USP24: variants seen among roughly 807,000 people sequenced by gnomAD.
The protein encoded by USP24 is ubiquitin carboxyl-terminal hydrolase 24.
In USP24, 97 loss-of-function variants were observed where a neutral mutation model predicts 361.6. That is an observed-to-expected ratio of 0.27 (90% CI 0.23 to 0.32). The LOEUF (loss-of-function observed/expected upper bound fraction) is 0.32, where lower values mean the gene tolerates loss of function less well. Ranked by LOEUF, USP24 falls within the 10% of genes least tolerant of loss-of-function variation. USP24 has a pLI of 1.00. For missense variants in USP24, 2,353 were observed against 3,165.6 expected (o/e 0.74, Z 6.16); for synonymous variants, 1,098 against 1,124.6 (o/e 0.98, Z 0.47).
chr1:55,096,828 T>C (rs1374975774), intron 49 of USP24, 124 bp downstream of exon 49: 1 of 1,384,798 alleles, frequency 7.2e-7, no homozygotes, highest in Non-Finnish European at 9.7e-7. Flanking sequence ...GCTTTAAAAC[T>C]TCAAAATGAA....
chr1:55,140,147 T>C (rs995282589), intron 24 of USP24, among the ~76,000 whole-genome samples: 139 of 152,222 alleles, frequency 9.1e-4, no homozygotes, highest in African/African-American at 3.3e-3. Flanking sequence ...TATAATATTT[T>C]AAAATTATTA....
At position 55,215,133 on chromosome 1, in the gene USP24, C is replaced by T; in HGVS notation, c.-20G>A. On this transcript the variant is annotated 5_prime_UTR_variant, in exon 1 of 68. Coordinates refer to ENST00000294383, the MANE Select transcript of USP24 (RefSeq NM_015306.3). ...TTCCATGGCTTGGGCCTCCTGGCCG[C>T]CCCGGCCAGCGCACGGCGAAGCTAC... is the stretch of plus-strand genomic sequence containing the variant. 2 of 1,238,176 alleles carry T rather than the reference C, an allele frequency of 1.6e-6. No homozygotes were observed. The highest frequency in any genetic ancestry group is 3.4e-5 in the South Asian group (1 of 29,816). The allele number at this position is 1,238,176 out of a possible 1,614,324, so 76.7% of individuals were successfully genotyped here.
chr1:55,095,318 G>C lies in USP24; in HGVS notation c.6140C>G (p.Ser2047Cys). 6.2e-7 allele frequency: 1 copy of C among 1,613,662 alleles called. No homozygotes were observed. Among genetic ancestry groups the C allele is most frequent in the Non-Finnish European group, 8.5e-7 (1 of 1,179,802 alleles). The stretch of plus-strand genomic sequence containing the variant: ...TCGACTTTTCTTTGGTAATACTGGG[G>C]AGTTCTGATCAGACACCCTTTGGTA... Reference protein sequence around the residue: ...LFYQRVSDQNSPVLPKKSRVS... With the variant: ...LFYQRVSDQNCPVLPKKSRVS... The change falls in exon 51 of 68, where the codon TCC becomes TGC. Residue 2047 changes from serine to cysteine, a missense_variant. Physicochemically the swap from Ser to Cys is moderately radical, Grantham distance 112. Coordinates refer to ENST00000294383, the MANE Select transcript of USP24 (RefSeq NM_015306.3).
rs114472343 is a variant in USP24 at position 55,142,102 on chromosome 1, A to T, written c.2635-371T>A. Among the ~76,000 whole-genome samples the T allele has an allele frequency of 1.4e-3, 212 of 152,290 alleles. 1 individual carries two copies. The highest frequency in any genetic ancestry group is 4.5e-3 in the African/African-American group (189 of 41,558). On this transcript the variant is annotated intron_variant, in intron 23 of 67. Coordinates refer to ENST00000294383, the MANE Select transcript of USP24 (RefSeq NM_015306.3). ...AAATACCGTACATATTCTAGCACAT[A>T]TTTATCACCAGAAAGCTTAACTTAT...
intron 32 of USP24, among the ~76,000 whole-genome samples, chr1:55,126,388 C>A (rs1646430218): frequency 6.6e-6 from 1 of 152,032 alleles, no homozygotes; most frequent in African/African-American, 2.4e-5. Context: ...AAAATCATAG[C>A]CCCCGAATCC....
intron 56 of USP24, among the ~76,000 whole-genome samples, chr1:55,084,940 A>C (rs1233141442): frequency 6.6e-6 from 1 of 152,208 alleles, no homozygotes; most frequent in Non-Finnish European, 1.5e-5. Flanking sequence ...GGGTTGGTAC[A>C]TGGGAGGAAG....
rs776860424 is a variant in USP24, at chr1:55,093,908, C to T, written c.6354+29G>A. 5 of 1,610,786 alleles carry T rather than the reference C, an allele frequency of 3.1e-6. No homozygotes were observed. The South Asian group carries it at 4.4e-5, about 14-fold the overall frequency. On this transcript the variant is annotated intron_variant, in intron 52 of 67. Transcript: ENST00000294383. ...CATTTTGATGTCCACGTGGATATTC[C>T]CCCTTAGAATTTTTTATATGGTTCT...
intron 20 of USP24, among the ~76,000 whole-genome samples, chr1:55,145,676 C>T (rs1170511255): frequency 6.6e-6 from 1 of 151,976 alleles, no homozygotes; most frequent in African/African-American, 2.4e-5. Flanking sequence ...TTTAAAAATT[C>T]AATGAAAAGA....
intron 42 of USP24, among the ~76,000 whole-genome samples, chr1:55,102,074 TAC>T (rs1645649512): frequency 6.6e-6 from 1 of 152,122 alleles, no homozygotes; most frequent in Non-Finnish European, 1.5e-5. Flanking sequence ...TCAAGGCACT[TAC>T]AGTCTATTAG....
chr1:55,103,965 C>G lies in USP24; in HGVS notation c.4936G>C (p.Asp1646His). ...AAYEVLVMLA[D>H]SSPSNLQIII... ...ATTTGAAGATTTGAAGGTGAACTAT[C>G]AGCCAACATCACAAGGACTTCATAG... The change falls in exon 42 of 68, where the codon GAT (aspartate) becomes CAT (histidine). Residue 1646 changes from aspartate (D) to histidine (H), a missense_variant. Asp to His is a moderately conservative substitution (Grantham distance 81, BLOSUM62 -1). This residue lies in a region of USP24 where 949 missense variants were observed against 1,280.5 expected (regional missense o/e 0.74). Transcript: ENST00000294383. The G allele has an allele frequency of 6.2e-7, 1 of 1,611,288 alleles. No individual in the cohort carries two copies. Among genetic ancestry groups the G allele is most frequent in the African/African-American group, 1.3e-5 (1 of 74,998 alleles).
chr1:55,203,074 A>C (rs1316791411), intron 1 of USP24, among the ~76,000 whole-genome samples: 4 of 152,174 alleles, frequency 2.6e-5, no homozygotes, highest in Admixed American at 6.5e-5. Context: ...TATACATTAA[A>C]CTTTATCACA....
intron 1 of USP24, among the ~76,000 whole-genome samples, chr1:55,196,733 T>C (rs1029184946): frequency 6.6e-6 from 1 of 152,226 alleles, no homozygotes; most frequent in Admixed American, 6.5e-5. Flanking sequence ...CACCAGATCA[T>C]GGTATCTCCC....
chr1:55,085,903 A>T (rs1645239966), intron 56 of USP24, 39 bp downstream of exon 56: 1 of 1,581,386 alleles, frequency 6.3e-7, no homozygotes, highest in Non-Finnish European at 8.7e-7. Context: ...ATTTGGTAAA[A>T]ACACAGTGTA....
In USP24 at chr1:55,143,138, A is replaced by G; in HGVS notation, c.2440-19T>C. The G allele has an allele frequency of 6.8e-7, 1 of 1,466,344 alleles. No individual in the cohort carries two copies. Among genetic ancestry groups the G allele is most frequent in the Non-Finnish European group, 9.0e-7 (1 of 1,111,462 alleles). The allele number at this position is 1,466,344 out of a possible 1,614,324, so 90.8% of individuals were successfully genotyped here. ...CTACATACTGTTCAAAAGAAAAAAA[A>G]TTAAATTATAAAGCATATCAAGATC... On this transcript the variant is annotated intron_variant, in intron 21 of 67. Coordinates refer to ENST00000294383, the MANE Select transcript of USP24 (RefSeq NM_015306.3).
intron 1 of USP24, among the ~76,000 whole-genome samples, chr1:55,181,715 A>C (rs1160211667): frequency 6.6e-6 from 1 of 152,196 alleles, no homozygotes; most frequent in Admixed American, 6.5e-5. Context: ...TAGATGTAAA[A>C]ACTAGAGCCT....
chr1:55,145,073 G>A (rs1646992526), intron 20 of USP24, among the ~76,000 whole-genome samples: 1 of 152,190 alleles, frequency 6.6e-6, no homozygotes, highest in African/African-American at 2.4e-5. Flanking sequence ...TATTGCTGGT[G>A]GGATTACGAA....
rs1645187581 is a variant in USP24, at chr1:55,083,281, T to C, written c.6966A>G (p.Gln2322=). ...TAAAAGTAGTCCTTACCTGATTGTTTTGCCGACTGGCCCCTAGGAGGAAGC... is the reference window on the plus strand; with the variant it reads ...TAAAAGTAGTCCTTACCTGATTGTTCTGCCGACTGGCCCCTAGGAGGAAGC... ...MISFLLGASR[Q]NNQIRRWSSA... is the part of the protein sequence containing the mutation. The change falls in exon 58 of 68, where the codon CAA becomes CAG. Residue 2322 remains glutamine (Q), a synonymous_variant. Coordinates refer to ENST00000294383, the MANE Select transcript of USP24 (RefSeq NM_015306.3). The C allele has an allele frequency of 1.2e-6, 2 of 1,613,602 alleles. No homozygotes were observed. The highest frequency in any genetic ancestry group is 2.7e-5 in the African/African-American group (2 of 74,918).
chr1:55,074,425 G>A (rs1305957612), intron 63 of USP24, among the ~76,000 whole-genome samples: 2 of 152,082 alleles, frequency 1.3e-5, no homozygotes, highest in Admixed American at 6.5e-5. Context: ...CTTGAGGTCA[G>A]GAGTTTGAGA....
intron 38 of USP24, among the ~76,000 whole-genome samples, chr1:55,117,498 G>A (rs1049479034): frequency 1.3e-5 from 2 of 152,104 alleles, no homozygotes; most frequent in Non-Finnish European, 2.9e-5. Flanking sequence ...GGAGGCCGAG[G>A]CGGGTGGATC....
Sources: gnomAD v4.1 joint callset for allele counts (sites outside exome capture counted in the v4.1 genomes callset) on GRCh38, gnomAD v4.1.1 for gene constraint, gnomAD v4.1.1 regional missense constraint, MANE v1.5 for transcripts, NCBI Gene and HGNC (gene_info 2026-07-23, HGNC 2026-07-21) for gene names.